SRMS: variants seen among roughly 807,000 people sequenced by gnomAD.
SRMS encodes tyrosine-protein kinase Srms.
A neutral mutation model predicts 43.5 loss-of-function variants in SRMS; 42 were observed. The observed-to-expected ratio is 0.97, with a 90% CI of 0.75 to 1.25. The LOEUF (loss-of-function observed/expected upper bound fraction) is 1.25, where lower values mean the gene tolerates loss of function less well. Ranked by LOEUF, SRMS falls within the 50% of genes most tolerant of loss-of-function variation. The pLI is 0.00. For missense variants in SRMS, 703 were observed against 681.0 expected (o/e 1.03, Z -0.36); for synonymous variants, 316 against 308.2 (o/e 1.03, Z -0.27).
At chr20:63,544,509 C>T (rs2082720782) in intron 1 of SRMS, among the ~76,000 whole-genome samples, 161 bp from the exon 2 acceptor site, 1 of 152,224 alleles carries the variant, frequency 6.6e-6, no homozygotes, top group Non-Finnish European at 1.5e-5. Context: ...TCTGCACTGC[C>T]TCAGCCCCCA....
chr20:63,547,701 G>A lies in SRMS; in HGVS notation c.-238C>T, dbSNP rs575987015. Among the ~76,000 whole-genome samples, 5 of 152,344 alleles carry A rather than the reference G, an allele frequency of 3.3e-5. No individual in the cohort carries two copies. In the East Asian group the frequency reaches 7.7e-4, roughly 24 times the overall value. On this transcript the variant is annotated 5_prime_UTR_variant, in exon 1 of 8. Coordinates refer to ENST00000217188, the MANE Select transcript of SRMS (RefSeq NM_080823.4). Reference sequence around the variant, plus strand: ...GCGCAGGGCGGACCCCCTGCCTCAGGCACACCGACAGCACCTCCTGTCCTC... The same window carrying A: ...GCGCAGGGCGGACCCCCTGCCTCAGACACACCGACAGCACCTCCTGTCCTC...
Position 63,541,521 on chromosome 20 carries a change from C to T in SRMS, c.1046G>A (p.Arg349Gln). The T allele has an allele frequency of 9.4e-6, 15 of 1,602,790 alleles. No homozygotes were observed. The highest frequency in any genetic ancestry group is 3.4e-5 in the Admixed American group (2 of 58,708). Residue 349 changes from arginine to glutamine, a missense_variant, in exon 6 of 8, where the codon CGG becomes CAG. By Grantham distance (43) the Arg-to-Gln change is conservative (BLOSUM62 1). Coordinates refer to ENST00000217188, the MANE Select transcript of SRMS (RefSeq NM_080823.4). ...SYLEEQRVVH[R>Q]DLAARNVLVD... ...GAGCACGTTCCGGGCGGCCAAGTCCCGGTGCACAACGCGCTGCTCCTCCAG... is the reference window on the plus strand; with the variant it reads ...GAGCACGTTCCGGGCGGCCAAGTCCTGGTGCACAACGCGCTGCTCCTCCAG...
chr20:63,545,258 G>A (rs569157793), intron 1 of SRMS, among the ~76,000 whole-genome samples: 6 of 152,274 alleles, frequency 3.9e-5, no homozygotes, highest in South Asian at 2.1e-4. Flanking sequence ...GCCCCACCCC[G>A]TCTGCATAAC....
At chr20:63,542,614 C>T (rs760826833) in intron 3 of SRMS, 33 bp from the exon 4 acceptor site, 3 of 1,583,056 alleles carry the variant, frequency 1.9e-6, no homozygotes, top group East Asian at 4.5e-5. Context: ...GGCTGGTCAG[C>T]GTGGGCCCCT....
At position 63,542,596 on chromosome 20, in the gene SRMS, G is replaced by A; in HGVS notation, c.646-15C>T. 6.3e-7 allele frequency: 1 copy of A among 1,599,534 alleles called. No homozygotes were observed. Among genetic ancestry groups the A allele is most frequent in the African/African-American group, 1.3e-5 (1 of 74,776 alleles). ...CTCGGGGCCTTCTGCAGGGAGGGTG[G>A]GCAGGGAGGCTGGTCAGCGTGGGCC... On this transcript the variant is annotated splice_polypyrimidine_tract_variant and intron_variant, in intron 3 of 7. Transcript: ENST00000217188.
intron 1 of SRMS, among the ~76,000 whole-genome samples, chr20:63,546,818 GA>G (rs1182575217): frequency 1.3e-5 from 2 of 152,210 alleles, no homozygotes; most frequent in Non-Finnish European, 1.5e-5. Context: ...GGTCCTGGAG[GA>G]ACCGCCTGCT....
At chr20:63,541,848 A>G (rs969941284) in intron 5 of SRMS, among the ~76,000 whole-genome samples, 2 of 152,238 alleles carry the variant, frequency 1.3e-5, no homozygotes, top group South Asian at 4.1e-4. Flanking sequence ...AGACCAGGGC[A>G]GAGAAGAGCC....
At chr20:63,543,619 G>T in intron 2 of SRMS, 139 bp from the exon 3 acceptor site, 1 of 1,058,854 alleles carries the variant, frequency 9.4e-7, no homozygotes, top group Non-Finnish European at 1.3e-6. Flanking sequence ...TCAGAGCTGT[G>T]TGGAGGAGGG....
Position 63,547,465 on chromosome 20 carries a change from C to T in SRMS, c.-2G>A. The T allele has an allele frequency of 6.7e-7, 1 of 1,483,454 alleles. No individual in the cohort carries two copies. The highest frequency in any genetic ancestry group is 9.0e-7 in the Non-Finnish European group (1 of 1,113,878). The allele number at this position is 1,483,454 out of a possible 1,614,324, so 91.9% of individuals were successfully genotyped here. On this transcript the variant is annotated 5_prime_UTR_variant, in exon 1 of 8. Coordinates refer to ENST00000217188, the MANE Select transcript of SRMS (RefSeq NM_080823.4). ...CCGCCTCCTGAGGAACGGCTCCATC[C>T]CCCGGGGTCACCACGCTGGGCCCGA...
rs1318774317 is a variant in SRMS at position 63,541,535 on chromosome 20, C to T, written c.1032G>A (p.Gln344=). The part of the protein sequence containing the change: ...VAEGMSYLEE[Q]RVVHRDLAAR... The stretch of plus-strand genomic sequence containing the variant: ...CGGCCAAGTCCCGGTGCACAACGCG[C>T]TGCTCCTCCAGGTAGCTCATGCCCT... Residue 344 remains glutamine (Q), a synonymous_variant, in exon 6 of 8, where the codon CAG becomes CAA. Transcript: ENST00000217188. 4 of 1,596,876 alleles carry T rather than the reference C, an allele frequency of 2.5e-6. No homozygotes were observed. The highest frequency in any genetic ancestry group is 3.4e-6 in the Non-Finnish European group (4 of 1,173,568).
Position 63,547,247 on chromosome 20 carries a change from G to A in SRMS, c.217C>T (p.Arg73Cys), listed in dbSNP as rs56053583. 144 of 1,609,598 alleles carry A rather than the reference G, an allele frequency of 8.9e-5. No individual in the cohort carries two copies. Among genetic ancestry groups the A allele is most frequent in the Middle Eastern group, 1.7e-4 (1 of 6,022 alleles). ...TARCGGELSV[R>C]RGDRLCALEE... ...AGGGCACAGAGCCTGTCCCCGCGGC[G>A]GACACTCAGCTCCCCGCCACACCGC... The change falls in exon 1 of 8, where the codon CGC becomes TGC. Residue 73 changes from arginine to cysteine, a missense_variant. Arg to Cys is a radical substitution (Grantham distance 180). Coordinates refer to ENST00000217188, the MANE Select transcript of SRMS (RefSeq NM_080823.4).
In SRMS at chr20:63,547,544, C is replaced by T. The variant is rs964006720; in HGVS notation, c.-81G>A. On this transcript the variant is annotated 5_prime_UTR_variant, in exon 1 of 8. Coordinates refer to ENST00000217188, the MANE Select transcript of SRMS (RefSeq NM_080823.4). ...AGGAACTGGCAGGGCCGGTGGGACCCGGTGTCCAGCGCTCCCTGCCCTGGC... is the reference window on the plus strand; with the variant it reads ...AGGAACTGGCAGGGCCGGTGGGACCTGGTGTCCAGCGCTCCCTGCCCTGGC... The T allele has an allele frequency of 5.7e-5, 75 of 1,310,714 alleles. No individual in the cohort carries two copies. In the Admixed American group the frequency reaches 1.5e-3, roughly 26 times the overall value. 81.2% of individuals were successfully genotyped at this position (1,310,714 alleles called of 1,614,324 possible). A position where few individuals can be genotyped will look rare whatever the true frequency, so the allele number is the denominator to read the frequency against.
rs372515075 is a variant in SRMS at position 63,545,256 on chromosome 20, C to G, written c.357-908G>C. Among the ~76,000 whole-genome samples the G allele has an allele frequency of 1.2e-3, 183 of 152,296 alleles. 7 individuals are homozygous for G. The South Asian group carries it at 0.036, about 30-fold the overall frequency. On this transcript the variant is annotated intron_variant, in intron 1 of 7. Transcript: ENST00000217188. ...AGACAGAAATGCTCCCAGCCCCACC[C>G]CGTCTGCATAACTCTGCTGCTGAAG...
intron 7 of SRMS, 22 bp downstream of exon 7, chr20:63,541,169 C>A: frequency 6.5e-7 from 1 of 1,547,576 alleles, no homozygotes; most frequent in Non-Finnish European, 8.7e-7. Flanking sequence ...TGCATCCTCC[C>A]TCTGGCTGCC....
intron 3 of SRMS, 27 bp downstream of exon 3, chr20:63,543,287 G>A: frequency 6.2e-7 from 1 of 1,608,750 alleles, no homozygotes; most frequent in Non-Finnish European, 8.5e-7. Context: ...GGCCCAGCAT[G>A]GGGCAGCTTG....
Position 63,538,986 on chromosome 20 carries a change from C to T in SRMS, c.*1832G>A, listed in dbSNP as rs1375744591. ...CACAGGTGCCACAGACACACCTGGT[C>T]CCCTTAATCCCAGTGGCGGCTGCAG... On this transcript the variant is annotated 3_prime_UTR_variant, in exon 8 of 8. Coordinates refer to ENST00000217188, the MANE Select transcript of SRMS (RefSeq NM_080823.4). Among the ~76,000 whole-genome samples, 2 of 152,146 alleles carry T rather than the reference C, an allele frequency of 1.3e-5. No individual in the cohort carries two copies. Among genetic ancestry groups the T allele is most frequent in the African/African-American group, 2.4e-5 (1 of 41,438 alleles).
rs781300369 is a variant in SRMS, at chr20:63,547,502, G to A, written c.-39C>T. On this transcript the variant is annotated 5_prime_UTR_variant, in exon 1 of 8. Transcript: ENST00000217188. ...CACGCTGGGCCCGAGGGCCATGGGA[G>A]CCCGCGAGCCCGGAAGAGGAACTGG... The A allele has an allele frequency of 1.2e-5, 17 of 1,430,294 alleles. No homozygotes were observed. Among genetic ancestry groups the A allele is most frequent in the Middle Eastern group, 4.9e-4 (2 of 4,088 alleles). The allele number at this position is 1,430,294 out of a possible 1,614,324, so 88.6% of individuals were successfully genotyped here.
rs145873378 is a variant in SRMS, at chr20:63,541,195, A to C, written c.1281T>G (p.Tyr427Ter). The C allele has an allele frequency of 6.4e-7, 1 of 1,554,804 alleles. No individual in the cohort carries two copies. The highest frequency in any genetic ancestry group is 8.7e-7 in the Non-Finnish European group (1 of 1,154,934). Residue 427 changes from tyrosine to a stop codon, truncating the protein, a stop_gained, in exon 7 of 8, where the codon TAT (tyrosine) becomes TAG (stop). Coordinates refer to ENST00000217188, the MANE Select transcript of SRMS (RefSeq NM_080823.4). LOFTEE classifies it low-confidence loss of function (END_TRUNC). ...HEVFTYGQCPYEGMTNHETLQ... is the reference protein window; with the variant it reads ...HEVFTYGQCP ...TCTGGCTGCCTGGGGACCCACCTTC[A>C]TAGGGACACTGGCCATAGGTGAAAA...
chr20:63,542,132 A>C (rs1371612767), intron 5 of SRMS, 31 bp downstream of exon 5: 6 of 1,590,772 alleles, frequency 3.8e-6, no homozygotes, highest in African/African-American at 1.3e-5. Context: ...CAGGCGCGTC[A>C]GGGCCACGTG....
Sources: allele counts gnomAD v4.1 joint callset (sites outside exome capture counted in the v4.1 genomes callset), GRCh38; gene constraint gnomAD v4.1.1; transcripts MANE v1.5; gene names NCBI Gene and HGNC (gene_info 2026-07-23, HGNC 2026-07-21).